SRPK2: variants seen among roughly 807,000 people sequenced by gnomAD.
SRPK2 encodes the protein SFRS protein kinase 2.
Under a neutral mutation model 90.8 loss-of-function variants are expected in SRPK2, and 21 were observed. The ratio of observed to expected loss-of-function variants is 0.23; its 90% CI spans 0.16 to 0.33. The LOEUF (loss-of-function observed/expected upper bound fraction) is 0.33. Ranked by LOEUF, SRPK2 falls within the 10% of genes least tolerant of loss-of-function variation. SRPK2 has a pLI of 1.00. For missense variants in SRPK2, 620 were observed against 869.0 expected, an observed-to-expected ratio of 0.71 and a Z score of 3.60; for synonymous variants, 288 against 311.1, an observed-to-expected ratio of 0.93 and a Z score of 0.78.
chr7:105,389,299 G>A (rs1375526493), upstream of SRPK2: 1 of 1,277,862 alleles, frequency 7.8e-7, no homozygotes, highest in Non-Finnish European at 1.0e-6. Flanking sequence ...CGGCGCCTCC[G>A]CGGGTCTCGC....
In SRPK2 at chr7:105,243,453, C is replaced by A. The variant is rs114299248; in HGVS notation, c.72-39668G>T. On this transcript the variant is annotated intron_variant, in intron 2 of 15. Coordinates refer to ENST00000393651, the MANE Select transcript of SRPK2 (RefSeq NM_182692.3). ...TTGGGAGGACAATGCAGACAGATCA[C>A]CTGAGGTCAGGAGTTCAAGACTAGT... 8.1e-3 allele frequency among the ~76,000 whole-genome samples: 1,227 copies of A among 152,162 alleles called. 14 individuals are homozygous for A. Among genetic ancestry groups the A allele is most frequent in the African/African-American group, 0.028 (1,174 of 41,498 alleles).
chr7:105,388,214 C>T (rs900929617), intron 2 of SRPK2, among the ~76,000 whole-genome samples: 3 of 151,964 alleles, frequency 2.0e-5, no homozygotes, highest in African/African-American at 7.2e-5. Flanking sequence ...GCCTCCTCGG[C>T]CCGCGGCTCA....
chr7:105,357,514 T>C lies in SRPK2; in HGVS notation c.71+31134A>G, dbSNP rs1280096000. ...AGATCTGATGTAATACCAGCCGAGA[T>C]TGGTGGATCACCTGAGGTCAGGAGT... On this transcript the variant is annotated intron_variant, in intron 2 of 15. Transcript: ENST00000393651. Among the ~76,000 whole-genome samples, 6 of 152,178 alleles carry C rather than the reference T, an allele frequency of 3.9e-5. No individual in the cohort carries two copies. The East Asian group carries it at 1.2e-3, about 29-fold the overall frequency.
chr7:105,338,105 G>A (rs1226041734), intron 2 of SRPK2, among the ~76,000 whole-genome samples: 1 of 147,910 alleles, frequency 6.8e-6, no homozygotes, highest in Non-Finnish European at 1.5e-5. Flanking sequence ...CTTTTTCAAT[G>A]TAACTCCTAG....
chr7:105,302,229 G>C, intron 2 of SRPK2: 1 of 704,346 alleles, frequency 1.4e-6, no homozygotes, highest in East Asian at 2.6e-5. Flanking sequence ...GTTGTAAGTT[G>C]AAAGTTCATG....
chr7:105,371,442 C>G (rs935228684), intron 2 of SRPK2, among the ~76,000 whole-genome samples: 1 of 148,708 alleles, frequency 6.7e-6, no homozygotes, highest in Non-Finnish European at 1.5e-5. Flanking sequence ...GTGTCAGTAT[C>G]ATATATGAAT....
At chr7:105,358,138 C>T (rs1353652712) in intron 2 of SRPK2, among the ~76,000 whole-genome samples, 1 of 148,400 alleles carries the variant, frequency 6.7e-6, no homozygotes, top group Non-Finnish European at 1.5e-5. Flanking sequence ...GCAGGAGAAT[C>T]GCTTGAACCC....
chr7:105,360,832 T>C (rs1253521097), intron 2 of SRPK2, among the ~76,000 whole-genome samples: 1 of 152,060 alleles, frequency 6.6e-6, no homozygotes, highest in East Asian at 1.9e-4. Context: ...TATCTCAAAA[T>C]AGTAAGAGCT....
rs1805810541 is a variant in SRPK2, at chr7:105,271,395, C to T, written c.72-67610G>A. ...AAAAGGTTTCCAACTTCATTTTCAC[C>T]TTATCTCTAAACCTTCAGATTTGTT... On this transcript the variant is annotated intron_variant, in intron 2 of 15. Coordinates refer to ENST00000393651, the MANE Select transcript of SRPK2 (RefSeq NM_182692.3). Among the ~76,000 whole-genome samples, 3 of 152,138 alleles carry T rather than the reference C, an allele frequency of 2.0e-5. No individual in the cohort carries two copies. In the South Asian group the frequency reaches 6.2e-4, roughly 32 times the overall value.
At chr7:105,179,281 T>C (rs1792419351) in intron 3 of SRPK2, among the ~76,000 whole-genome samples, 2 of 152,206 alleles carry the variant, frequency 1.3e-5, no homozygotes, top group Admixed American at 1.3e-4. Flanking sequence ...GTGTCAGCAC[T>C]TGCCCCAGCT....
intron 2 of SRPK2, among the ~76,000 whole-genome samples, chr7:105,308,066 T>C (rs1811330380): frequency 6.6e-6 from 1 of 152,210 alleles, no homozygotes; most frequent in African/African-American, 2.4e-5. Context: ...TTTACTACTA[T>C]AGTTATGGGT....
intron 11 of SRPK2, among the ~76,000 whole-genome samples, chr7:105,139,302 A>C (rs1354870797): frequency 6.6e-6 from 1 of 152,208 alleles, no homozygotes; most frequent in Admixed American, 6.5e-5. Context: ...GAACCTCCAT[A>C]ATAGGAGAGG....
At chr7:105,177,168 A>C (rs1434512697) in intron 3 of SRPK2, among the ~76,000 whole-genome samples, 1 of 152,238 alleles carries the variant, frequency 6.6e-6, no homozygotes, top group Non-Finnish European at 1.5e-5. Flanking sequence ...GGTAAAGTGA[A>C]AATAAAAACA....
At chr7:105,145,262 G>A in intron 9 of SRPK2, 21 bp downstream of exon 9, 1 of 1,569,546 alleles carries the variant, frequency 6.4e-7, no homozygotes, top group Non-Finnish European at 8.7e-7. Flanking sequence ...TGCATATAAA[G>A]TAATATGCGT....
chr7:105,214,816 A>G (rs1039515857), intron 2 of SRPK2, among the ~76,000 whole-genome samples: 3 of 152,226 alleles, frequency 2.0e-5, no homozygotes, highest in African/African-American at 7.2e-5. Context: ...AATCCCAGCC[A>G]GCTTCTTTGC....
At chr7:105,326,661 G>C (rs1813626825) in intron 2 of SRPK2, among the ~76,000 whole-genome samples, 1 of 152,154 alleles carries the variant, frequency 6.6e-6, no homozygotes, top group Non-Finnish European at 1.5e-5. Flanking sequence ...AACAGCTAGA[G>C]GTACAGAAAC....
At chr7:105,234,670 TG>T (rs900796027) in intron 2 of SRPK2, among the ~76,000 whole-genome samples, 4 of 152,166 alleles carry the variant, frequency 2.6e-5, no homozygotes, top group African/African-American at 9.7e-5. Context: ...CACTTAGCTA[TG>T]TATTGCGTTG....
intron 2 of SRPK2, among the ~76,000 whole-genome samples, chr7:105,331,321 AAAAAAAAAAAAAAAAAC>A (rs1387488657): frequency 2.6e-4 from 35 of 132,664 alleles, no homozygotes; most frequent in East Asian, 2.2e-3. Context: ...AAAAAAAAAA[AAAAAAAAAAAAAAAAAC>A]AAATAGTTAT....
chr7:105,120,863 C>G (rs1800243707), intron 15 of SRPK2, among the ~76,000 whole-genome samples: 1 of 152,154 alleles, frequency 6.6e-6, no homozygotes, highest in South Asian at 2.1e-4. Flanking sequence ...GGAGACACAA[C>G]AAGAGTGGGC....
Sources: allele counts gnomAD v4.1 joint callset (sites outside exome capture counted in the v4.1 genomes callset), GRCh38; gene constraint gnomAD v4.1.1; transcripts MANE v1.5; gene names NCBI Gene and HGNC (gene_info 2026-07-23, HGNC 2026-07-21).